Variants in NCF2 observed in about 807,000 individuals in gnomAD.
NCF2 encodes the protein neutrophil cytosolic factor 2.
NCF2 carries 45 observed loss-of-function variants against 70.9 expected under a neutral mutation model. The ratio of observed to expected loss-of-function variants is 0.63; its 90% CI spans 0.50 to 0.81. The LOEUF is 0.81. NCF2 is among the 40% of genes least tolerant of loss of function. NCF2 has a pLI of 0.00. For missense variants in NCF2, 522 were observed against 631.6 expected (o/e 0.83, Z 1.86); for synonymous variants, 203 against 233.6 (o/e 0.87, Z 1.19).
chr1:183,601,662 C>T, the NCF2 span, among the ~76,000 whole-genome samples: 1 of 151,904 alleles, frequency 6.6e-6, no homozygotes, highest in Admixed American at 6.6e-5. Flanking sequence ...TCAAGACCAT[C>T]CTGCCTAACA....
Position 183,583,057 on chromosome 1 carries a change from C to CT in NCF2, c.257+3837dup, listed in dbSNP as rs1003842513. ...TCCCTTTTGTAATCTGAGGGAATTC[C>CT]TTTTTTTTTTATTCAGACAGAATCT... On this transcript the variant is annotated intron_variant, in intron 2 of 14. Coordinates refer to ENST00000367535, the MANE Select transcript of NCF2 (RefSeq NM_000433.4). Among the ~76,000 whole-genome samples the CT allele has an allele frequency of 1.4e-3, 211 of 148,738 alleles. 1 individual carries two copies. The highest frequency in any genetic ancestry group is 4.7e-3 in the African/African-American group (189 of 40,526).
chr1:183,563,724 G>A, intron 11 of NCF2, 139 bp from the exon 12 acceptor site: 1 of 1,137,620 alleles, frequency 8.8e-7, no homozygotes, highest in Non-Finnish European at 1.3e-6. Context: ...TGGTTTCACA[G>A]TAGCCTAAAA....
At chr1:183,566,881 G>A (rs1006760320) in intron 9 of NCF2, 39 bp downstream of exon 9, 2 of 1,611,154 alleles carry the variant, frequency 1.2e-6, no homozygotes, top group Admixed American at 1.7e-5. Context: ...GATCCCTAAA[G>A]GGTGAGAGGA....
intron 6 of NCF2, among the ~76,000 whole-genome samples, chr1:183,569,649 C>T (rs972057593): frequency 4.1e-4 from 62 of 152,260 alleles, no homozygotes; most frequent in African/African-American, 1.4e-3. Flanking sequence ...AGTGCAGTGG[C>T]GCGATCTTGG....
intron 14 of NCF2, among the ~76,000 whole-genome samples, chr1:183,557,264 A>G (rs190063971): frequency 1.7e-3 from 264 of 152,344 alleles, no homozygotes; most frequent in Middle Eastern, 6.8e-3. Context: ...TTGTACATCT[A>G]GATCAGACAT....
chr1:183,590,586 G>A (rs1673599969), upstream of NCF2: 1 of 545,240 alleles, frequency 1.8e-6, no homozygotes. Flanking sequence ...GAGAGAGAGG[G>A]CGAGTAGGGG....
chr1:183,556,262 A>G, intron 14 of NCF2, 32 bp from the exon 15 acceptor site: 2 of 1,579,726 alleles, frequency 1.3e-6, no homozygotes, highest in Non-Finnish European at 1.7e-6. Context: ...ATGGATTTCT[A>G]AAACCACTGT....
At chr1:183,573,438 G>C in intron 4 of NCF2, 146 bp from the exon 5 acceptor site, 2 of 816,510 alleles carry the variant, frequency 2.4e-6, no homozygotes, top group South Asian at 2.8e-5. Context: ...TTCCTCTAGG[G>C]TGTTAAGGTA....
intron 2 of NCF2, among the ~76,000 whole-genome samples, chr1:183,578,431 C>T (rs1215665311): frequency 4.6e-5 from 7 of 151,578 alleles, no homozygotes; most frequent in Non-Finnish European, 1.0e-4. Context: ...GATTTCAGCT[C>T]GCTGCAAGCT....
At position 183,570,795 on chromosome 1, in the gene NCF2, G is replaced by A. The variant is rs1206432605; in HGVS notation, c.654C>T (p.Ala218=). The A allele has an allele frequency of 6.2e-7, 1 of 1,614,158 alleles. No individual in the cohort carries two copies. The highest frequency in any genetic ancestry group is 1.7e-5 in the Admixed American group (1 of 60,006). Reference sequence around the variant, plus strand: ...ACTGCCTTACCTGTGGTTGCAGAGGGGCAAACCCAGAGAAACTGTCTTGAT... The same window carrying A: ...ACTGCCTTACCTGTGGTTGCAGAGGAGCAAACCCAGAGAAACTGTCTTGAT... ...VVDQDSFSGF[A]PLQPQAAEPP... is the part of the protein sequence containing the mutation. Residue 218 remains alanine (A), a synonymous_variant, in exon 6 of 15, where the codon GCC becomes GCT. Transcript: ENST00000367535.
chr1:183,580,563 C>G (rs1377934608), intron 2 of NCF2, among the ~76,000 whole-genome samples: 2 of 152,192 alleles, frequency 1.3e-5, no homozygotes, highest in Non-Finnish European at 2.9e-5. Flanking sequence ...TACCAACGTG[C>G]CTTCCTCCCT....
chr1:183,559,825 C>G (rs1205400875), intron 14 of NCF2, among the ~76,000 whole-genome samples: 1 of 152,162 alleles, frequency 6.6e-6, no homozygotes, highest in Non-Finnish European at 1.5e-5. Flanking sequence ...TGCCACTGCA[C>G]TCCAGCCTGG....
At chr1:183,599,184 A>G in the NCF2 span, among the ~76,000 whole-genome samples, 1 of 152,118 alleles carries the variant, frequency 6.6e-6, no homozygotes, top group Non-Finnish European at 1.5e-5. Context: ...GGAGTTTGAG[A>G]CCACCCTGGG....
intron 2 of NCF2, among the ~76,000 whole-genome samples, chr1:183,582,021 C>G (rs908357908): frequency 1.3e-5 from 2 of 152,232 alleles, no homozygotes; most frequent in African/African-American, 4.8e-5. Flanking sequence ...CTTCCCAGCC[C>G]CCTCGTTCCC....
rs553810553 is a variant in NCF2, at chr1:183,557,230, C to T, written c.1469-1000G>A. On this transcript the variant is annotated intron_variant, in intron 14 of 14. Transcript: ENST00000367535. Reference sequence around the variant, plus strand: ...TCTCCAAAGCCCACCTACCTGACCACACAGCCAGTTCAGAAGTTTGTCTTT... The same window carrying T: ...TCTCCAAAGCCCACCTACCTGACCATACAGCCAGTTCAGAAGTTTGTCTTT... 3.9e-5 allele frequency among the ~76,000 whole-genome samples: 6 copies of T among 152,338 alleles called. No homozygotes were observed. The South Asian group carries it at 6.2e-4, about 16-fold the overall frequency.
At chr1:183,581,881 A>G (rs1673126952) in intron 2 of NCF2, among the ~76,000 whole-genome samples, 1 of 151,970 alleles carries the variant, frequency 6.6e-6, no homozygotes, top group Admixed American at 6.6e-5. Flanking sequence ...GTTAGCCAGG[A>G]TGGTCTCGAT....
intron 10 of NCF2, 119 bp downstream of exon 10, chr1:183,565,585 G>A (rs924338113): frequency 9.0e-6 from 9 of 999,350 alleles, no homozygotes; most frequent in Non-Finnish European, 1.4e-5. Flanking sequence ...GTCATTAGCT[G>A]AGTGACATGT....
chr1:183,590,319 A>T lies in NCF2; in HGVS notation c.11T>A (p.Val4Glu). The T allele has an allele frequency of 6.2e-7, 1 of 1,614,098 alleles. No individual in the cohort carries two copies. MSL[V>E]EAISLWNEGV... ...TTCATTCCAGAGGCTGATGGCCTCC[A>T]CCAGGGACATGATTAGGTAGAAACT... The change falls in exon 1 of 15, where the codon GTG (valine) becomes GAG (glutamate). Residue 4 changes from valine (V) to glutamate (E), a missense_variant. Coordinates refer to ENST00000367535, the MANE Select transcript of NCF2 (RefSeq NM_000433.4).
chr1:183,559,887 A>G (rs1328082356), intron 14 of NCF2, among the ~76,000 whole-genome samples: 1 of 152,116 alleles, frequency 6.6e-6, no homozygotes, highest in Non-Finnish European at 1.5e-5. Context: ...AAAACAACTC[A>G]GCTTCTTGTT....
Sources: allele counts gnomAD v4.1 joint callset (sites outside exome capture counted in the v4.1 genomes callset), GRCh38; gene constraint gnomAD v4.1.1; transcripts MANE v1.5; gene names NCBI Gene and HGNC (gene_info 2026-07-23, HGNC 2026-07-21).